Variants in FMN1 observed in about 807,000 individuals in gnomAD.
FMN1 encodes formin-1.
In FMN1, 110 loss-of-function variants were observed where a neutral mutation model predicts 132.4. That is an observed-to-expected ratio of 0.83 (90% CI 0.71 to 0.97). The LOEUF is 0.97. FMN1 is among the 50% of genes least tolerant of loss of function. The pLI, the probability that FMN1 is intolerant of heterozygous loss-of-function variation, is 0.00. For missense variants in FMN1, 1,792 were observed against 1,705.3 expected (o/e 1.05, Z -0.90); for synonymous variants, 722 against 651.7 (o/e 1.11, Z -1.64).
chr15:33,067,226 C>G, intron 5 of FMN1: 1 of 1,613,350 alleles, frequency 6.2e-7, no homozygotes, highest in Non-Finnish European at 8.5e-7. Context: ...ACCACCGTTG[C>G]CAGCTTCCAG....
At chr15:33,189,379 C>T (rs777219212) in intron 2 of FMN1, among the ~76,000 whole-genome samples, 4 of 152,144 alleles carry the variant, frequency 2.6e-5, no homozygotes, top group African/African-American at 7.2e-5. Context: ...AAATTATTTG[C>T]AAAGCTCTCC....
intron 10 of FMN1, among the ~76,000 whole-genome samples, chr15:32,912,281 G>C (rs1485675388): frequency 6.6e-6 from 1 of 152,186 alleles, no homozygotes; most frequent in Non-Finnish European, 1.5e-5. Context: ...GGTATTGTCA[G>C]CTGTGCCCCT....
intron 4 of FMN1, among the ~76,000 whole-genome samples, chr15:33,111,785 G>A (rs866507633): frequency 1.8e-4 from 27 of 152,228 alleles, no homozygotes; most frequent in Middle Eastern, 3.4e-3. Flanking sequence ...TGGGCTGGAC[G>A]GGGTTGTGGG....
intron 6 of FMN1, chr15:33,013,080 A>G (rs1010673515): frequency 7.3e-6 from 3 of 412,734 alleles, no homozygotes; most frequent in Non-Finnish European, 9.5e-6. Flanking sequence ...TACTGCCAGG[A>G]AACAAAGCTT....
chr15:32,973,574 T>TCCCCCCC (rs1244811951), intron 7 of FMN1, among the ~76,000 whole-genome samples: 6 of 142,694 alleles, frequency 4.2e-5, no homozygotes, highest in African/African-American at 1.7e-4. Context: ...TCTCTGCCCC[T>TCCCCCCC]CACCCCCCCC....
chr15:32,832,875 G>A (rs570901147), intron 17 of FMN1, among the ~76,000 whole-genome samples: 7 of 152,192 alleles, frequency 4.6e-5, no homozygotes, highest in South Asian at 2.1e-4. Context: ...TTATGACCCC[G>A]GGTTACCTAA....
At chr15:32,827,672 G>A (rs1192056553) in intron 17 of FMN1, among the ~76,000 whole-genome samples, 3 of 151,656 alleles carry the variant, frequency 2.0e-5, no homozygotes, top group South Asian at 2.1e-4. Context: ...AACATCCGTC[G>A]CTACTAAAAA....
At chr15:32,776,661 A>G (rs1015518250) in intron 20 of FMN1, among the ~76,000 whole-genome samples, 174 bp downstream of exon 20, 1 of 149,604 alleles carries the variant, frequency 6.7e-6, no homozygotes, top group African/African-American at 2.5e-5. Flanking sequence ...ATATAAAGCT[A>G]TGTTTTGTAC....
intron 10 of FMN1, among the ~76,000 whole-genome samples, chr15:32,925,478 AT>A (rs1409265784): frequency 6.6e-6 from 1 of 152,198 alleles, no homozygotes; most frequent in Non-Finnish European, 1.5e-5. Context: ...AAAACCTAAA[AT>A]GTGGGGAAGT....
chr15:32,847,078 T>C (rs1596072726), intron 17 of FMN1, among the ~76,000 whole-genome samples: 2 of 152,172 alleles, frequency 1.3e-5, no homozygotes, highest in Non-Finnish European at 2.9e-5. Context: ...CATCAAACTA[T>C]CTTGGATTCT....
At chr15:32,938,730 T>C (rs1201142324) in intron 9 of FMN1, among the ~76,000 whole-genome samples, 2 of 152,222 alleles carry the variant, frequency 1.3e-5, no homozygotes, top group Non-Finnish European at 2.9e-5. Context: ...GCAACTGTTT[T>C]TCTGTTCCCA....
chr15:32,793,017 A>T (rs948985370), intron 19 of FMN1, among the ~76,000 whole-genome samples: 1 of 152,146 alleles, frequency 6.6e-6, no homozygotes, highest in East Asian at 1.9e-4. Flanking sequence ...GACAGGAAGG[A>T]GTGTGTGGTA....
At chr15:32,779,527 T>C (rs1023061077) in intron 19 of FMN1, among the ~76,000 whole-genome samples, 3 of 152,132 alleles carry the variant, frequency 2.0e-5, no homozygotes, top group African/African-American at 7.2e-5. Context: ...ATGTACACTC[T>C]ACGAGCCATC....
chr15:32,968,936 G>A lies in FMN1; in HGVS notation c.2765C>T (p.Pro922Leu), dbSNP rs1454098811. The change falls in exon 8 of 21, where the codon CCA becomes CTA. Residue 922 changes from proline to leucine, a missense_variant. Physicochemically the swap from Pro to Leu is moderately conservative, Grantham distance 98. Coordinates refer to ENST00000616417, the MANE Select transcript of FMN1 (RefSeq NM_001277313.2). ...AAGTGGGGGTGGGGGTGGGGGTGGT[G>A]GAGGTCCAGCACTTGAAGGTGGAGG... ...PLPPPSSAGP[P>L]PPPPPPPLPN... 6 of 797,776 alleles carry A rather than the reference G, an allele frequency of 7.5e-6. No individual in the cohort carries two copies. In the Admixed American group the frequency reaches 1.3e-4, roughly 18 times the overall value. 49.4% of individuals were successfully genotyped at this position (797,776 alleles called of 1,614,324 possible).
chr15:32,782,672 A>G (rs1033781186), intron 19 of FMN1, among the ~76,000 whole-genome samples: 1 of 152,234 alleles, frequency 6.6e-6, no homozygotes, highest in Non-Finnish European at 1.5e-5. Flanking sequence ...TTTGCTGGTT[A>G]GACAGTTTCT....
At chr15:33,157,952 A>G (rs1186077246) in intron 3 of FMN1, among the ~76,000 whole-genome samples, 2 of 150,720 alleles carry the variant, frequency 1.3e-5, no homozygotes, top group African/African-American at 4.9e-5. Context: ...CCACTGCACC[A>G]CTGTACTCCA....
chr15:33,142,017 T>C (rs73380645), intron 4 of FMN1, among the ~76,000 whole-genome samples: 3,430 of 152,300 alleles, frequency 0.023, 134 homozygotes, highest in African/African-American at 0.079. Context: ...CTGTTTAGTA[T>C]AACTCTTTTC....
chr15:32,917,857 T>C (rs2060722258), intron 10 of FMN1, among the ~76,000 whole-genome samples: 1 of 152,234 alleles, frequency 6.6e-6, no homozygotes, highest in South Asian at 2.1e-4. Context: ...TGGCATCATA[T>C]GCTTTTTACA....
intron 8 of FMN1, among the ~76,000 whole-genome samples, chr15:32,965,475 TA>T (rs2031121498): frequency 6.6e-6 from 1 of 152,344 alleles, no homozygotes. Context: ...CAAACATAGG[TA>T]TATGTTACAA....
Sources: allele counts gnomAD v4.1 joint callset (sites outside exome capture counted in the v4.1 genomes callset), GRCh38; gene constraint gnomAD v4.1.1; transcripts MANE v1.5; gene names NCBI Gene and HGNC (gene_info 2026-07-23, HGNC 2026-07-21).